Variants in MGAT4C observed in about 807,000 individuals in gnomAD.
MGAT4C encodes alpha-1,3-mannosyl-glycoprotein 4-beta-N-acetylglucosaminyltransferase C.
Under a neutral mutation model 40.1 loss-of-function variants are expected in MGAT4C, and 19 were observed. The observed-to-expected ratio is 0.47, with a 90% CI of 0.33 to 0.70. MGAT4C has a LOEUF of 0.70. Ranked by LOEUF, MGAT4C falls within the 30% of genes least tolerant of loss-of-function variation. The pLI is 0.02. For synonymous variants in MGAT4C, 181 were observed against 187.1 expected (o/e 0.97, Z 0.27); for missense variants, 491 against 563.2 (o/e 0.87, Z 1.30).
intron 2 of MGAT4C, among the ~76,000 whole-genome samples, chr12:86,461,075 A>G (rs1042053932): frequency 1.3e-5 from 2 of 152,058 alleles, no homozygotes; most frequent in Admixed American, 6.5e-5. Context: ...TCTCTGAAAA[A>G]TTATAGGTCT....
intron 2 of MGAT4C, among the ~76,000 whole-genome samples, chr12:86,675,752 CATATA>C (rs1964377137): frequency 6.6e-6 from 1 of 151,978 alleles, no homozygotes; most frequent in Non-Finnish European, 1.5e-5. Flanking sequence ...TTTATACATT[CATATA>C]ATATGTCATA....
At chr12:86,245,339 T>TAA in intron 1 of MGAT4C, among the ~76,000 whole-genome samples, 1 of 152,210 alleles carries the variant, frequency 6.6e-6, no homozygotes. Flanking sequence ...GGTTCTGCCC[T>TAA]TCTAGGCTTC....
chr12:86,341,718 C>T (rs998086168), intron 3 of MGAT4C, among the ~76,000 whole-genome samples: 1 of 152,162 alleles, frequency 6.6e-6, no homozygotes, highest in African/African-American at 2.4e-5. Context: ...CAGATGGGAT[C>T]CCCCAGCACA....
At chr12:86,612,230 A>G (rs1285173707) in intron 2 of MGAT4C, among the ~76,000 whole-genome samples, 6 of 152,016 alleles carry the variant, frequency 3.9e-5, no homozygotes, top group African/African-American at 1.5e-4. Flanking sequence ...TTTTATTATA[A>G]TATTTTCTAT....
chr12:86,152,620 C>CGT (rs1315537149), intron 1 of MGAT4C, among the ~76,000 whole-genome samples: 1 of 152,174 alleles, frequency 6.6e-6, no homozygotes, highest in Admixed American at 6.5e-5. Flanking sequence ...CTTTTCCCAT[C>CGT]GTATATCACA....
At chr12:86,313,473 A>T (rs1954127785) in intron 4 of MGAT4C, among the ~76,000 whole-genome samples, 1 of 152,234 alleles carries the variant, frequency 6.6e-6, no homozygotes, top group East Asian at 1.9e-4. Context: ...TCAGTTGATC[A>T]GTGAAGTCTA....
At chr12:86,370,035 A>G (rs1955685894) in intron 3 of MGAT4C, among the ~76,000 whole-genome samples, 1 of 151,984 alleles carries the variant, frequency 6.6e-6, no homozygotes, top group Non-Finnish European at 1.5e-5. Flanking sequence ...TTTAGAAAAT[A>G]AAAGAGGCAT....
rs1185942820 is a variant in MGAT4C, at chr12:86,306,993, CT to C, written c.-57+27071del. Among the ~76,000 whole-genome samples, 148 of 150,406 alleles carry C rather than the reference CT, an allele frequency of 9.8e-4. 10 individuals are homozygous for C. Among genetic ancestry groups the C allele is most frequent in the African/African-American group, 3.4e-3 (135 of 40,018 alleles). Reference sequence around the variant, plus strand: ...TGTTGAAAAATTTTAATAAGAAAAACTTACACACACATATGCAGAAATCATT... The same window carrying C: ...TGTTGAAAAATTTTAATAAGAAAAACTACACACACATATGCAGAAATCATT... On this transcript the variant is annotated intron_variant, in intron 4 of 7. Coordinates refer to the MGAT4C transcript ENST00000548651.
At chr12:86,439,628 A>T (rs953158757) in intron 2 of MGAT4C, among the ~76,000 whole-genome samples, 1 of 152,060 alleles carries the variant, frequency 6.6e-6, no homozygotes, top group African/African-American at 2.4e-5. Context: ...AACAACAAAG[A>T]TCAGAGCAGA....
chr12:86,010,861 G>C (rs997399503), intron 2 of MGAT4C, among the ~76,000 whole-genome samples: 4 of 152,124 alleles, frequency 2.6e-5, no homozygotes, highest in African/African-American at 9.7e-5. Context: ...GTTATCACAG[G>C]AGGGGTTAGT....
chr12:86,059,610 T>C (rs1210171266), intron 1 of MGAT4C, among the ~76,000 whole-genome samples: 1 of 152,184 alleles, frequency 6.6e-6, no homozygotes, highest in Non-Finnish European at 1.5e-5. Flanking sequence ...CAGAGCAGAC[T>C]AAGGATATTA....
intron 2 of MGAT4C, among the ~76,000 whole-genome samples, chr12:86,556,342 A>T (rs1007361940): frequency 6.6e-6 from 1 of 152,234 alleles, no homozygotes; most frequent in African/African-American, 2.4e-5. Context: ...CTTGCTTTCA[A>T]GAAACTTTTC....
At chr12:86,344,036 T>C (rs1382393343) in intron 3 of MGAT4C, among the ~76,000 whole-genome samples, 1 of 152,150 alleles carries the variant, frequency 6.6e-6, no homozygotes, top group Non-Finnish European at 1.5e-5. Context: ...TGTCACTAGT[T>C]CTAAGCTAAA....
At chr12:86,809,392 A>G (rs976633275) in intron 1 of MGAT4C, among the ~76,000 whole-genome samples, 1 of 152,018 alleles carries the variant, frequency 6.6e-6, no homozygotes, top group Admixed American at 6.6e-5. Context: ...TTTTGAGAAG[A>G]TAAGTTTTCA....
intron 1 of MGAT4C, among the ~76,000 whole-genome samples, chr12:86,813,578 CTGA>C (rs1952520310): frequency 6.6e-6 from 1 of 151,882 alleles, no homozygotes; most frequent in Non-Finnish European, 1.5e-5. Flanking sequence ...ATTTATCACC[CTGA>C]TAATATGACA....
Position 86,509,035 on chromosome 12 carries a change from C to A in MGAT4C, c.-228-73770G>T, listed in dbSNP as rs538346155. On this transcript the variant is annotated intron_variant, in intron 2 of 7. Transcript: ENST00000548651. ...TGTCTGTTCACTCTGATGGTAGTTT[C>A]TTTTGCTGTGCAGAAGCTCTTTAGT... is the stretch of plus-strand genomic sequence containing the variant. Among the ~76,000 whole-genome samples the A allele has an allele frequency of 4.6e-5, 7 of 152,080 alleles. No homozygotes were observed. The South Asian group carries it at 1.5e-3, about 32-fold the overall frequency.
At chr12:86,109,595 T>A (rs1876852539) in intron 1 of MGAT4C, among the ~76,000 whole-genome samples, 1 of 152,058 alleles carries the variant, frequency 6.6e-6, no homozygotes, top group Non-Finnish European at 1.5e-5. Flanking sequence ...TCTGATTCAT[T>A]CATTTAAAGG....
rs376261113 is a variant in MGAT4C at position 86,768,940 on chromosome 12, T to C, written c.-261-41699A>G. On this transcript the variant is annotated intron_variant, in intron 1 of 7. Transcript: ENST00000548651. ...CTAGAAGAAAACCTAGGCATTACCA[T>C]GCAGGACATAGGCATGGGCAAGGAC... Among the ~76,000 whole-genome samples the C allele has an allele frequency of 9.4e-3, 1,425 of 152,086 alleles. 11 individuals are homozygous for C. The highest frequency in any genetic ancestry group is 0.017 in the Middle Eastern group (5 of 294).
At chr12:86,204,022 A>C (rs921775472) in intron 1 of MGAT4C, among the ~76,000 whole-genome samples, 1 of 150,228 alleles carries the variant, frequency 6.7e-6, no homozygotes, top group South Asian at 2.1e-4. Flanking sequence ...AGAGTAAACA[A>C]TGATAAAGAA....
Sources: gnomAD v4.1 joint callset for allele counts (sites outside exome capture counted in the v4.1 genomes callset) on GRCh38, gnomAD v4.1.1 for gene constraint, MANE v1.5 for transcripts, NCBI Gene and HGNC (gene_info 2026-07-23, HGNC 2026-07-21) for gene names.